IL1RAPL1: variants seen among roughly 807,000 people sequenced by gnomAD.
IL1RAPL1 encodes interleukin-1 receptor accessory protein-like 1.
IL1RAPL1 carries 3 observed loss-of-function variants against 48.4 expected under a neutral mutation model. The ratio of observed to expected loss-of-function variants is 0.06; its 90% CI spans 0.03 to 0.16. The LOEUF (loss-of-function observed/expected upper bound fraction) is 0.16, where lower values mean the gene tolerates loss of function less well. IL1RAPL1 is among the 10% of genes least tolerant of loss of function. IL1RAPL1 has a pLI of 1.00. For synonymous variants in IL1RAPL1, 185 were observed against 187.7 expected, an observed-to-expected ratio of 0.99 and a Z score of 0.12; for missense variants, 349 against 530.6, an observed-to-expected ratio of 0.66 and a Z score of 3.36.
intron 2 of IL1RAPL1, among the ~76,000 whole-genome samples, chrX:28,973,109 T>C (rs1925124975): frequency 8.9e-6 from 1 of 112,176 alleles, no homozygotes; most frequent in Non-Finnish European, 1.9e-5. Flanking sequence ...ACCCATGCAA[T>C]ATTTCCAGAG....
chrX:28,997,664 A>G (rs866824511), intron 2 of IL1RAPL1, among the ~76,000 whole-genome samples: 2 of 111,617 alleles, frequency 1.8e-5, no homozygotes, highest in South Asian at 7.5e-4. Flanking sequence ...AGACATGTCC[A>G]GTTATTATTA....
chrX:29,274,307 T>C (rs1181182234), intron 2 of IL1RAPL1, among the ~76,000 whole-genome samples: 2 of 112,275 alleles, frequency 1.8e-5, no homozygotes, highest in Non-Finnish European at 3.8e-5. Context: ...AACAGTTGTA[T>C]GTGAAGCTAA....
At chrX:29,913,833 C>A (rs765531492) in intron 6 of IL1RAPL1, among the ~76,000 whole-genome samples, 1 of 111,387 alleles carries the variant, frequency 9.0e-6, no homozygotes, top group African/African-American at 3.3e-5. Flanking sequence ...ATACATAGAA[C>A]AGCGCTGCTC....
intron 1 of IL1RAPL1, among the ~76,000 whole-genome samples, chrX:28,677,341 C>A (rs986024436): frequency 8.0e-5 from 9 of 112,028 alleles, no homozygotes; most frequent in Non-Finnish European, 1.7e-4. Context: ...GGCTTCAACT[C>A]CCCCTTTCAC....
chrX:29,068,046 G>A (rs1013203921), intron 2 of IL1RAPL1, among the ~76,000 whole-genome samples: 1 of 111,330 alleles, frequency 9.0e-6, no homozygotes, highest in Non-Finnish European at 1.9e-5. Context: ...TGTATCTCTA[G>A]TATGATCATC....
chrX:29,625,843 GC>G (rs1924602264), intron 5 of IL1RAPL1, among the ~76,000 whole-genome samples: 1 of 111,745 alleles, frequency 8.9e-6, no homozygotes. Flanking sequence ...CAGAGGGGTA[GC>G]TTTTTCTGGC....
intron 6 of IL1RAPL1, among the ~76,000 whole-genome samples, chrX:29,853,027 A>C (rs1193887629): frequency 9.0e-6 from 1 of 110,860 alleles, no homozygotes; most frequent in Non-Finnish European, 1.9e-5. Context: ...GGGTTTTACC[A>C]AGAGAGATAA....
chrX:28,676,559 C>G (rs769247678), intron 1 of IL1RAPL1, among the ~76,000 whole-genome samples: 2 of 110,675 alleles, frequency 1.8e-5, no homozygotes, highest in South Asian at 7.6e-4. Context: ...GTGGCGAAAC[C>G]CCGTCTCTAC....
chrX:29,708,793 A>G (rs914099747), intron 6 of IL1RAPL1, among the ~76,000 whole-genome samples: 8 of 111,994 alleles, frequency 7.1e-5, no homozygotes, highest in South Asian at 3.7e-4. Flanking sequence ...ATAAACCTCT[A>G]TACTATTTCC....
intron 1 of IL1RAPL1, among the ~76,000 whole-genome samples, chrX:28,761,369 A>G (rs1313303804): frequency 8.9e-6 from 1 of 111,806 alleles, no homozygotes; most frequent in African/African-American, 3.3e-5. Flanking sequence ...GGATTTGACA[A>G]AGAAATTGTG....
intron 3 of IL1RAPL1, among the ~76,000 whole-genome samples, chrX:29,365,981 C>T (rs945164994): frequency 9.7e-6 from 1 of 103,002 alleles, no homozygotes; most frequent in Non-Finnish European, 2.0e-5. Flanking sequence ...GTGGAGGCTG[C>T]AGTGAGCCAA....
At chrX:29,801,794 T>G (rs1025141727) in intron 6 of IL1RAPL1, among the ~76,000 whole-genome samples, 13 of 111,646 alleles carry the variant, frequency 1.2e-4, no homozygotes, top group Non-Finnish European at 1.7e-4. Context: ...GGTGGTGGTG[T>G]TCCTCAAAGG....
chrX:29,766,592 A>G (rs996127385), intron 6 of IL1RAPL1, among the ~76,000 whole-genome samples: 30 of 96,901 alleles, frequency 3.1e-4, no homozygotes, highest in Non-Finnish European at 5.9e-4. Context: ...ACCCAAATTT[A>G]TCAATTTCTT....
intron 2 of IL1RAPL1, among the ~76,000 whole-genome samples, chrX:29,010,181 A>G (rs1251548799): frequency 2.7e-5 from 3 of 111,864 alleles, no homozygotes; most frequent in African/African-American, 9.8e-5. Flanking sequence ...AGAGGACCAT[A>G]TCATCAGTGA....
chrX:29,272,992 G>C (rs1398924549), intron 2 of IL1RAPL1, among the ~76,000 whole-genome samples: 7 of 111,580 alleles, frequency 6.3e-5, no homozygotes, highest in Non-Finnish European at 1.1e-4. Context: ...GATCAGTTTG[G>C]TTCTTTCTTA....
intron 3 of IL1RAPL1, among the ~76,000 whole-genome samples, chrX:29,301,417 A>G: frequency 8.9e-6 from 1 of 111,869 alleles, no homozygotes. Flanking sequence ...TAAAAATGTT[A>G]TTTTCTGCCA....
chrX:29,426,751 ACT>A (rs72070672), intron 5 of IL1RAPL1, among the ~76,000 whole-genome samples: 1,280 of 111,469 alleles, frequency 0.011, 14 homozygotes, highest in African/African-American at 0.04. Context: ...ATGAAATCAT[ACT>A]CTCTTTCTCA....
chrX:29,645,178 TA>T (rs1300478420), intron 5 of IL1RAPL1, among the ~76,000 whole-genome samples: 2 of 112,106 alleles, frequency 1.8e-5, no homozygotes, highest in Non-Finnish European at 1.9e-5. Context: ...TGGTACCTAA[TA>T]TTTTTCAGTG....
intron 5 of IL1RAPL1, among the ~76,000 whole-genome samples, chrX:29,456,078 A>G (rs1171057740): frequency 1.8e-5 from 2 of 111,507 alleles, no homozygotes. Context: ...AAAAACTGAT[A>G]TGAAATTTCC....
Sources: gnomAD v4.1 joint callset for allele counts (sites outside exome capture counted in the v4.1 genomes callset) on GRCh38, gnomAD v4.1.1 for gene constraint, MANE v1.5 for transcripts, NCBI Gene and HGNC (gene_info 2026-07-23, HGNC 2026-07-21) for gene names.